FBXL5: variants seen among roughly 807,000 people sequenced by gnomAD.
The protein encoded by FBXL5 is F-box and leucine rich repeat protein 5.
In FBXL5, 26 loss-of-function variants were observed where a neutral mutation model predicts 78.3. The ratio of observed to expected loss-of-function variants is 0.33; its 90% confidence interval spans 0.24 to 0.46. The LOEUF (loss-of-function observed/expected upper bound fraction) is 0.46, where lower values mean the gene tolerates loss of function less well. FBXL5 is among the 20% of genes least tolerant of loss of function. The pLI, the probability that FBXL5 is intolerant of heterozygous loss-of-function variation, is 1.00. For synonymous variants in FBXL5, 295 were observed against 282.5 expected, an observed-to-expected ratio of 1.04 and a Z score of -0.45; for missense variants, 710 against 829.2, an observed-to-expected ratio of 0.86 and a Z score of 1.77.
intron 5 of FBXL5, among the ~76,000 whole-genome samples, chr4:15,633,979 C>T (rs1259165436): frequency 6.6e-6 from 1 of 152,056 alleles, no homozygotes; most frequent in Non-Finnish European, 1.5e-5. Flanking sequence ...GGCTGGGTAA[C>T]TGTTTTTGGG....
intron 1 of FBXL5, among the ~76,000 whole-genome samples, chr4:15,668,464 T>C (rs1457197939): frequency 6.6e-6 from 1 of 152,134 alleles, no homozygotes; most frequent in African/African-American, 2.4e-5. Context: ...TTCTTTTATT[T>C]TTTTTTGTAC....
upstream of FBXL5, among the ~76,000 whole-genome samples, chr4:15,661,451 C>T (rs1717302820): frequency 6.6e-6 from 1 of 152,106 alleles, no homozygotes; most frequent in African/African-American, 2.4e-5. Flanking sequence ...GTAAAATGAG[C>T]AGATTGGTCA....
chr4:15,655,565 C>T (rs561865362), upstream of FBXL5, among the ~76,000 whole-genome samples: 2 of 152,268 alleles, frequency 1.3e-5, no homozygotes, highest in Admixed American at 1.3e-4. Context: ...AGAAGGAACC[C>T]AAACCTTTTC....
intron 1 of FBXL5, among the ~76,000 whole-genome samples, chr4:15,670,316 G>A (rs1054383984): frequency 2.6e-5 from 4 of 152,166 alleles, no homozygotes; most frequent in East Asian, 1.9e-4. Context: ...TGATAGATAC[G>A]TTTAACTTTA....
At chr4:15,617,812 C>T (rs184328937) in intron 9 of FBXL5, among the ~76,000 whole-genome samples, 2 of 152,164 alleles carry the variant, frequency 1.3e-5, no homozygotes, top group African/African-American at 4.8e-5. Context: ...TGTCAAATGG[C>T]GGTGGGTGGG....
chr4:15,627,521 T>C (rs903158166), intron 7 of FBXL5, among the ~76,000 whole-genome samples: 1 of 152,184 alleles, frequency 6.6e-6, no homozygotes, highest in African/African-American at 2.4e-5. Context: ...AGTCGTAATA[T>C]CCACTTTTAT....
chr4:15,647,456 T>C (rs9990752), intron 1 of FBXL5, among the ~76,000 whole-genome samples: 69,848 of 151,736 alleles, frequency 0.46, 16,436 homozygotes, highest in Non-Finnish European at 0.5. Context: ...ATGGGTGTCC[T>C]GAAAACAATC....
chr4:15,640,716 AAG>A (rs1714774567), intron 3 of FBXL5, 70 bp downstream of exon 3: 10 of 767,568 alleles, frequency 1.3e-5, no homozygotes, highest in Middle Eastern at 3.9e-4. Context: ...CATTATTTTG[AAG>A]AGTCTCTAAA....
chr4:15,647,891 A>G (rs973905216), intron 1 of FBXL5, among the ~76,000 whole-genome samples: 11 of 152,114 alleles, frequency 7.2e-5, no homozygotes, highest in African/African-American at 2.4e-4. Context: ...TCTTGCTCTG[A>G]CACCCAGGCT....
intron 9 of FBXL5, among the ~76,000 whole-genome samples, chr4:15,616,549 C>T (rs1475238927): frequency 6.6e-6 from 1 of 152,208 alleles, no homozygotes; most frequent in Non-Finnish European, 1.5e-5. Context: ...CCCTTTCATC[C>T]CTTCCCTCAG....
chr4:15,617,413 C>T (rs112495677), intron 9 of FBXL5, among the ~76,000 whole-genome samples: 2,477 of 151,796 alleles, frequency 0.016, 69 homozygotes, highest in African/African-American at 0.056. Flanking sequence ...CCAGGTATGG[C>T]GGCATGAGCC....
chr4:15,650,591 A>G (rs1715883234), intron 1 of FBXL5, among the ~76,000 whole-genome samples: 1 of 152,136 alleles, frequency 6.6e-6, no homozygotes, highest in African/African-American at 2.4e-5. Flanking sequence ...ATATATATAA[A>G]AGGACGCACA....
chr4:15,638,773 G>T, intron 3 of FBXL5, 79 bp from the exon 4 acceptor site: 1 of 887,922 alleles, frequency 1.1e-6, no homozygotes, highest in Non-Finnish European at 1.7e-6. Context: ...ATTATTAATG[G>T]CTCGAATGTC....
upstream of FBXL5, among the ~76,000 whole-genome samples, chr4:15,660,109 C>T (rs779914013): frequency 4.7e-5 from 7 of 150,452 alleles, no homozygotes; most frequent in Non-Finnish European, 1.0e-4. Context: ...AAGAGGGTTT[C>T]ACTCTGTCAC....
chr4:15,640,779 T>G lies in FBXL5; in HGVS notation c.396+9A>C, dbSNP rs750578005. On this transcript the variant is annotated intron_variant, in intron 3 of 10. Transcript: ENST00000341285. Reference sequence around the variant, plus strand: ...TAAATCTAAATCACGAAAGAAAAATTATGCTTACCTCCTCTTCCTCTTTCA... The same window carrying G: ...TAAATCTAAATCACGAAAGAAAAATGATGCTTACCTCCTCTTCCTCTTTCA... The G allele has an allele frequency of 7.0e-7, 1 of 1,438,362 alleles. No individual in the cohort carries two copies. Among genetic ancestry groups the G allele is most frequent in the Admixed American group, 2.3e-5 (1 of 42,812 alleles). 89.1% of individuals were successfully genotyped at this position (1,438,362 alleles called of 1,614,324 possible).
At position 15,674,268 on chromosome 4, in the gene FBXL5, A is replaced by C. The variant is rs376831453; in HGVS notation, c.-284+7115T>G. Among the ~76,000 whole-genome samples, 72 of 151,734 alleles carry C rather than the reference A, an allele frequency of 4.7e-4. 1 individual carries two copies. In the South Asian group the frequency reaches 0.015, roughly 31 times the overall value. The stretch of plus-strand genomic sequence containing the variant: ...ATGATGTATCATTCTTTTGGAGGAA[A>C]TAGGATTGTTCATTGCTAAGTGGCA... On this transcript the variant is annotated intron_variant, in intron 1 of 4. Transcript: ENST00000507899.
upstream of FBXL5, chr4:15,655,506 C>G (rs1321371844): frequency 2.4e-6 from 1 of 418,478 alleles, no homozygotes; most frequent in Admixed American, 6.4e-5. Context: ...CTCGCGGCTT[C>G]TGCCTCCCGC....
At chr4:15,620,787 G>A (rs1359836625) in intron 9 of FBXL5, among the ~76,000 whole-genome samples, 3 of 152,232 alleles carry the variant, frequency 2.0e-5, no homozygotes, top group African/African-American at 4.8e-5. Flanking sequence ...CACCTGGCCC[G>A]CCCAGGGCGG....
rs756711169 is a variant in FBXL5, at chr4:15,638,534, T to C, written c.557A>G (p.Tyr186Cys). 1.3e-6 allele frequency: 2 copies of C among 1,594,860 alleles called. No individual in the cohort carries two copies. Among genetic ancestry groups the C allele is most frequent in the East Asian group, 4.5e-5 (2 of 44,746 alleles). ...TTTATCTGACTTTTCATCCACGGAATATTTAAAAAACTTCTGTCGCTCTTC... is the reference window on the plus strand; with the variant it reads ...TTTATCTGACTTTTCATCCACGGAACATTTAAAAAACTTCTGTCGCTCTTC... ...HAEERQKFFK[Y>C]SVDEKSDKEA... Residue 186 changes from tyrosine (Y) to cysteine (C), a missense_variant, in exon 4 of 11, where the codon TAT (tyrosine) becomes TGT (cysteine). By Grantham distance (194) the Tyr-to-Cys change is radical. Coordinates refer to ENST00000341285, the MANE Select transcript of FBXL5 (RefSeq NM_012161.4).
Sources: gnomAD v4.1 joint callset for allele counts (sites outside exome capture counted in the v4.1 genomes callset) on GRCh38, gnomAD v4.1.1 for gene constraint, MANE v1.5 for transcripts, NCBI Gene and HGNC (gene_info 2026-07-23, HGNC 2026-07-21) for gene names.